MAF: variants seen among roughly 807,000 people sequenced by gnomAD.
MAF encodes MAF bZIP transcription factor.
In MAF, 10 loss-of-function variants were observed where a neutral mutation model predicts 22.0. The observed-to-expected ratio is 0.45, with a 90% confidence interval of 0.28 to 0.77. The LOEUF is 0.77. Among genes scored for constraint, MAF ranks in the 30% least tolerant of loss-of-function variants. The pLI is 0.12. For synonymous variants in MAF, 337 were observed against 255.8 expected (o/e 1.32, Z -3.03); for missense variants, 544 against 548.4 (o/e 0.99, Z 0.08).
At chr16:79,452,586 A>C in the MAF span, among the ~76,000 whole-genome samples, 1 of 152,066 alleles carries the variant, frequency 6.6e-6, no homozygotes, top group Non-Finnish European at 1.5e-5. Context: ...CAGGGCATGT[A>C]TTTTCTTGGT....
the MAF span, among the ~76,000 whole-genome samples, chr16:79,517,341 C>T: frequency 3.9e-5 from 6 of 152,126 alleles, no homozygotes; most frequent in South Asian, 4.1e-4. Flanking sequence ...ACAGACATGC[C>T]GATGGCTTGC....
At chr16:79,233,610 T>C in the MAF span, among the ~76,000 whole-genome samples, 2 of 152,076 alleles carry the variant, frequency 1.3e-5, 1 homozygote, top group African/African-American at 4.8e-5. Context: ...GAACCAGCTC[T>C]GTCCCACTGG....
the MAF span, among the ~76,000 whole-genome samples, chr16:79,248,276 T>C: frequency 6.6e-6 from 1 of 152,328 alleles, no homozygotes; most frequent in East Asian, 1.9e-4. Context: ...TAATAAATTT[T>C]GCTTTTTGGA....
the MAF span, among the ~76,000 whole-genome samples, chr16:79,492,883 G>C: frequency 6.6e-6 from 1 of 152,288 alleles, no homozygotes; most frequent in African/African-American, 2.4e-5. Flanking sequence ...TTAGTGATTG[G>C]GAGGGCTATG....
intron 1 of MAF, chr16:79,596,119 C>A (rs1421772112): frequency 8.5e-6 from 9 of 1,061,978 alleles, no homozygotes; most frequent in Non-Finnish European, 1.0e-5. Context: ...CATATTTGTC[C>A]GGCTCCTCTG....
chr16:79,547,877 T>TGC, the MAF span, among the ~76,000 whole-genome samples: 3 of 130,630 alleles, frequency 2.3e-5, no homozygotes, highest in Admixed American at 2.3e-4. Flanking sequence ...TGTGTGTGTG[T>TGC]GTGCGTGTGT....
the MAF span, among the ~76,000 whole-genome samples, chr16:79,537,942 C>T: frequency 2.0e-5 from 3 of 152,208 alleles, no homozygotes; most frequent in East Asian, 1.9e-4. Context: ...ATTTCACAGA[C>T]GCGTAAACTG....
At chr16:79,414,225 A>T in the MAF span, among the ~76,000 whole-genome samples, 13 of 152,306 alleles carry the variant, frequency 8.5e-5, no homozygotes, top group Non-Finnish European at 1.6e-4. Flanking sequence ...GTACCTGAGG[A>T]TGGGCAATTC....
the MAF span, among the ~76,000 whole-genome samples, chr16:79,430,583 C>A: frequency 6.6e-6 from 1 of 152,196 alleles, no homozygotes. Flanking sequence ...AGGCACAGAG[C>A]ACATTTGCAG....
At chr16:79,206,925 C>G in the MAF span, among the ~76,000 whole-genome samples, 20 of 152,180 alleles carry the variant, frequency 1.3e-4, no homozygotes, top group East Asian at 3.7e-3. Flanking sequence ...GAACAAGTGG[C>G]CTTTTGGAGC....
At chr16:79,397,940 G>A in the MAF span, among the ~76,000 whole-genome samples, 1 of 152,196 alleles carries the variant, frequency 6.6e-6, no homozygotes, top group Non-Finnish European at 1.5e-5. Flanking sequence ...TTGCTGCTGT[G>A]ATAAATTACC....
chr16:79,252,242 C>T, the MAF span, among the ~76,000 whole-genome samples: 1 of 151,506 alleles, frequency 6.6e-6, no homozygotes, highest in African/African-American at 2.4e-5. Flanking sequence ...AAAGCAGCCA[C>T]AGACAAATGT....
At chr16:79,371,839 C>G in the MAF span, among the ~76,000 whole-genome samples, 2 of 152,194 alleles carry the variant, frequency 1.3e-5, no homozygotes, top group Non-Finnish European at 2.9e-5. Context: ...GCAGCTCTGC[C>G]GAGGCAGAAC....
chr16:79,386,630 A>G, the MAF span, among the ~76,000 whole-genome samples: 1 of 152,078 alleles, frequency 6.6e-6, no homozygotes, highest in African/African-American at 2.4e-5. Flanking sequence ...ATACACATAT[A>G]TCATTTATAA....
chr16:79,440,118 C>G, the MAF span, among the ~76,000 whole-genome samples: 1 of 152,174 alleles, frequency 6.6e-6, no homozygotes, highest in African/African-American at 2.4e-5. Context: ...TTCTCCTTTC[C>G]CTTGAGTTGC....
the MAF span, among the ~76,000 whole-genome samples, chr16:79,495,357 G>A: frequency 6.6e-6 from 1 of 152,092 alleles, no homozygotes; most frequent in South Asian, 2.1e-4. Flanking sequence ...CAGCTACTCA[G>A]GAAGCTGAGG....
At chr16:79,336,332 G>A in the MAF span, among the ~76,000 whole-genome samples, 30 of 152,144 alleles carry the variant, frequency 2.0e-4, no homozygotes, top group African/African-American at 5.3e-4. Flanking sequence ...GTAAAGGAGC[G>A]AACCAAGGCA....
chr16:79,215,664 C>G, the MAF span, among the ~76,000 whole-genome samples: 3 of 152,254 alleles, frequency 2.0e-5, no homozygotes, highest in African/African-American at 7.2e-5. Flanking sequence ...GCTGAGGATT[C>G]TCCCAAATCA....
At chr16:79,561,294 T>C in the MAF span, among the ~76,000 whole-genome samples, 1 of 151,812 alleles carries the variant, frequency 6.6e-6, no homozygotes, top group East Asian at 1.9e-4. Flanking sequence ...TTCCCTCTCT[T>C]CCTAGTTTGA....
Sources: gnomAD v4.1 joint callset for allele counts (sites outside exome capture counted in the v4.1 genomes callset) on GRCh38, gnomAD v4.1.1 for gene constraint, MANE v1.5 for transcripts, NCBI Gene and HGNC (gene_info 2026-07-23, HGNC 2026-07-21) for gene names.